The following MRTFB variants were observed in gnomAD, a reference collection of about 807,000 sequenced individuals.
MRTFB encodes myocardin related transcription factor B.
A neutral mutation model predicts 104.2 loss-of-function variants in MRTFB; 29 were observed. The ratio of observed to expected loss-of-function variants is 0.28; its 90% CI spans 0.21 to 0.38. The LOEUF (loss-of-function observed/expected upper bound fraction) is 0.38. MRTFB is among the 10% of genes least tolerant of loss of function. The pLI is 1.00. For synonymous variants in MRTFB, 535 were observed against 519.5 expected (o/e 1.03, Z -0.41); for missense variants, 1,270 against 1,341.6 (o/e 0.95, Z 0.83).
At chr16:14,227,400 G>A (rs546814184) in intron 8 of MRTFB, among the ~76,000 whole-genome samples, 2 of 152,234 alleles carry the variant, frequency 1.3e-5, no homozygotes, top group Non-Finnish European at 2.9e-5. Context: ...CACCATGAGT[G>A]GAAGCAGCCT....
chr16:14,079,768 TAATG>T (rs2034284943), intron 2 of MRTFB, among the ~76,000 whole-genome samples: 3 of 151,978 alleles, frequency 2.0e-5, no homozygotes, highest in African/African-American at 7.2e-5. Flanking sequence ...TTTACTATAA[TAATG>T]AAAAAAATTT....
At chr16:14,029,125 G>A in the MRTFB span, among the ~76,000 whole-genome samples, 21 of 151,616 alleles carry the variant, frequency 1.4e-4, no homozygotes, top group Non-Finnish European at 2.5e-4. Flanking sequence ...CAAGACCCTC[G>A]TTTCTACAAA....
chr16:14,027,368 G>C, the MRTFB span, among the ~76,000 whole-genome samples: 1 of 152,166 alleles, frequency 6.6e-6, no homozygotes, highest in Non-Finnish European at 1.5e-5. Context: ...GGTCGCCAGG[G>C]GTTAGGATTG....
chr16:14,050,966 C>T, the MRTFB span, among the ~76,000 whole-genome samples: 1 of 152,282 alleles, frequency 6.6e-6, no homozygotes, highest in Non-Finnish European at 1.5e-5. Flanking sequence ...TTCCTCCTGT[C>T]TCGGCCGACT....
intron 3 of MRTFB, among the ~76,000 whole-genome samples, chr16:14,148,107 T>C (rs936745189): frequency 4.6e-5 from 7 of 152,176 alleles, no homozygotes; most frequent in Non-Finnish European, 1.0e-4. Context: ...TATTAAGAAA[T>C]AGTCTTTGCT....
chr16:14,092,850 G>A (rs564219724), intron 2 of MRTFB: 71 of 152,304 alleles, frequency 4.7e-4, no homozygotes, highest in African/African-American at 1.6e-3. Flanking sequence ...AGTCCTATTT[G>A]TGAATGGAAA....
chr16:14,056,061 C>T, the MRTFB span, among the ~76,000 whole-genome samples: 29 of 152,140 alleles, frequency 1.9e-4, no homozygotes, highest in Non-Finnish European at 4.0e-4. Flanking sequence ...TCACTGCAAC[C>T]TCTGCCTCCT....
upstream of MRTFB, among the ~76,000 whole-genome samples, chr16:14,070,240 C>G (rs1366342009): frequency 6.6e-6 from 1 of 152,224 alleles, no homozygotes. Flanking sequence ...GCTCCGGACT[C>G]AGACCCAGGT....
intron 1 of MRTFB, among the ~76,000 whole-genome samples, chr16:14,078,554 C>T (rs1006918105): frequency 2.0e-5 from 3 of 151,590 alleles, no homozygotes; most frequent in African/African-American, 7.3e-5. Context: ...CTCAGCCTCC[C>T]GAGCAGCTGG....
chr16:14,208,177 T>A (rs2041033266), intron 3 of MRTFB, among the ~76,000 whole-genome samples: 1 of 152,214 alleles, frequency 6.6e-6, no homozygotes, highest in African/African-American at 2.4e-5. Context: ...GTGTGATTTC[T>A]GGTGATAGAT....
Position 14,252,395 on chromosome 16 carries a change from G to T in MRTFB, c.2596G>T (p.Val866Phe), listed in dbSNP as rs114506300. 77 of 1,612,970 alleles carry T rather than the reference G, an allele frequency of 4.8e-5. No individual in the cohort carries two copies. In the African/African-American group the frequency reaches 9.5e-4, roughly 20 times the overall value. ...TTCACCCCCGCCACCCCAGCAATTT[G>T]TCGTCCAGCACTCTCTATTTGGGAG... ...PSSPPPPQQFVVQHSLFGSPV... is the reference protein window; with the variant it reads ...PSSPPPPQQFFVQHSLFGSPV... Residue 866 changes from valine (V) to phenylalanine (F), a missense_variant, in exon 15 of 17, where the codon GTC becomes TTC. Transcript: ENST00000571589.
At chr16:14,099,596 A>C (rs895366466) in intron 2 of MRTFB, among the ~76,000 whole-genome samples, 2 of 150,446 alleles carry the variant, frequency 1.3e-5, no homozygotes, top group African/African-American at 4.9e-5. Flanking sequence ...TGATCTATCT[A>C]CCTCGGCCTT....
intron 2 of MRTFB, among the ~76,000 whole-genome samples, chr16:14,098,905 C>T (rs1253562957): frequency 6.6e-6 from 1 of 152,126 alleles, no homozygotes. Flanking sequence ...AAATGTGGGC[C>T]TATTTTGGCC....
At chr16:14,230,143 A>G (rs916763113) in intron 8 of MRTFB, among the ~76,000 whole-genome samples, 6 of 152,302 alleles carry the variant, frequency 3.9e-5, no homozygotes, top group East Asian at 3.9e-4. Flanking sequence ...AAGATGGATT[A>G]AAGACTTACA....
At chr16:14,061,506 A>G in the MRTFB span, among the ~76,000 whole-genome samples, 1 of 150,994 alleles carries the variant, frequency 6.6e-6, no homozygotes, top group African/African-American at 2.4e-5. Context: ...TCAAGGCCAG[A>G]CAGCAAATAT....
intron 3 of MRTFB, among the ~76,000 whole-genome samples, chr16:14,182,787 C>T (rs2151016577): frequency 6.6e-6 from 1 of 152,234 alleles, no homozygotes; most frequent in African/African-American, 2.4e-5. Flanking sequence ...CAATAAGAAA[C>T]TGGGAGTTCA....
At chr16:14,091,391 T>C (rs1215293286) in intron 2 of MRTFB, among the ~76,000 whole-genome samples, 1 of 152,170 alleles carries the variant, frequency 6.6e-6, no homozygotes, top group Non-Finnish European at 1.5e-5. Flanking sequence ...TTCAGGGACC[T>C]CAGGGATTAG....
chr16:14,039,772 T>C, the MRTFB span, among the ~76,000 whole-genome samples: 13 of 150,342 alleles, frequency 8.6e-5, no homozygotes, highest in African/African-American at 2.7e-4. Flanking sequence ...TTTTTTTTTT[T>C]TTTTTTTATC....
At chr16:14,109,715 T>C (rs1294468986) in intron 2 of MRTFB, among the ~76,000 whole-genome samples, 1 of 152,198 alleles carries the variant, frequency 6.6e-6, no homozygotes, top group African/African-American at 2.4e-5. Flanking sequence ...TATGTTTTTG[T>C]AAACTTCTTT....
Sources: allele counts gnomAD v4.1 joint callset (sites outside exome capture counted in the v4.1 genomes callset), GRCh38; gene constraint gnomAD v4.1.1; transcripts MANE v1.5; gene names NCBI Gene and HGNC (gene_info 2026-07-23, HGNC 2026-07-21).